Variants in ATG7 observed in about 807,000 individuals in gnomAD.
ATG7 encodes the protein ubiquitin-like modifier-activating enzyme ATG7.
ATG7 carries 70 observed loss-of-function variants against 82.4 expected under a neutral mutation model. That is an observed-to-expected ratio of 0.85 (90% CI 0.70 to 1.04). The LOEUF is 1.04. Ranked by LOEUF, ATG7 falls within the 50% of genes least tolerant of loss-of-function variation. The probability of loss-of-function intolerance (pLI) is 0.00; values close to 1 mark genes in which losing one functional copy is unlikely to be tolerated. For missense variants in ATG7, 792 were observed against 864.3 expected, an observed-to-expected ratio of 0.92 and a Z score of 1.05; for synonymous variants, 287 against 313.0, an observed-to-expected ratio of 0.92 and a Z score of 0.88.
rs913577788 is a variant in ATG7 at position 11,367,244 on chromosome 3, C to T, written c.1875+2510C>T. On this transcript the variant is annotated intron_variant, in intron 18 of 20. Transcript: ENST00000693202. ...AAAACACTGGGCTGTGTTGCAATGCCCTGTTGCAAACTCAGCACTTCCCTC... is the reference window on the plus strand; with the variant it reads ...AAAACACTGGGCTGTGTTGCAATGCTCTGTTGCAAACTCAGCACTTCCCTC... Among the ~76,000 whole-genome samples the T allele has an allele frequency of 2.6e-5, 4 of 152,098 alleles. No homozygotes were observed. In the South Asian group the frequency reaches 8.3e-4, roughly 32 times the overall value.
chr3:11,461,103 T>C (rs1244671569), intron 20 of ATG7, among the ~76,000 whole-genome samples: 2 of 152,352 alleles, frequency 1.3e-5, no homozygotes, highest in Admixed American at 6.5e-5. Flanking sequence ...CAAAGACCTT[T>C]AGGGAAGGCA....
chr3:11,510,144 C>T (rs1290270028), intron 20 of ATG7: 7 of 448,900 alleles, frequency 1.6e-5, no homozygotes, highest in Non-Finnish European at 3.1e-5. Flanking sequence ...ACGTGCCTGA[C>T]ACAGAGTTGC....
intron 20 of ATG7, among the ~76,000 whole-genome samples, chr3:11,453,081 C>A (rs961286878): frequency 5.9e-5 from 9 of 152,200 alleles, no homozygotes; most frequent in Non-Finnish European, 1.2e-4. Flanking sequence ...ATCTACAGCT[C>A]TGTCCACCAC....
chr3:11,520,107 A>G (rs536333987), intron 20 of ATG7, among the ~76,000 whole-genome samples: 2 of 152,086 alleles, frequency 1.3e-5, no homozygotes, highest in South Asian at 4.1e-4. Context: ...AATTTGTTTA[A>G]TTTTCACCAA....
chr3:11,328,554 G>A (rs1951196195), intron 9 of ATG7, among the ~76,000 whole-genome samples: 1 of 151,980 alleles, frequency 6.6e-6, no homozygotes, highest in African/African-American at 2.4e-5. Context: ...TTTATATAAC[G>A]GAAAAGGTAG....
chr3:11,495,108 C>T (rs976294630), intron 20 of ATG7, among the ~76,000 whole-genome samples: 6 of 152,058 alleles, frequency 3.9e-5, no homozygotes, highest in African/African-American at 1.4e-4. Context: ...CAGATGTTCT[C>T]TAAGGCCCTG....
intron 18 of ATG7, among the ~76,000 whole-genome samples, chr3:11,374,415 A>G (rs1029886040): frequency 8.5e-5 from 13 of 152,268 alleles, no homozygotes; most frequent in African/African-American, 2.9e-4. Context: ...ATTTCATACC[A>G]TGTTAAAAAA....
At chr3:11,479,296 T>C (rs890643920) in intron 20 of ATG7, among the ~76,000 whole-genome samples, 1 of 152,220 alleles carries the variant, frequency 6.6e-6, no homozygotes, top group Non-Finnish European at 1.5e-5. Flanking sequence ...GAACTGAGTT[T>C]AAATTAAATG....
At chr3:11,491,415 G>T (rs551872349) in intron 20 of ATG7, among the ~76,000 whole-genome samples, 5 of 152,244 alleles carry the variant, frequency 3.3e-5, no homozygotes, top group African/African-American at 1.2e-4. Context: ...CCTTTGGTTT[G>T]AATTTCCTCC....
chr3:11,527,092 T>TATAC (rs1553708161), intron 20 of ATG7, among the ~76,000 whole-genome samples: 40 of 142,180 alleles, frequency 2.8e-4, no homozygotes, highest in Admixed American at 8.1e-4. Context: ...TATATATATA[T>TATAC]ACATACATAT....
chr3:11,379,369 C>G (rs1003395897), intron 18 of ATG7, among the ~76,000 whole-genome samples: 1 of 152,138 alleles, frequency 6.6e-6, no homozygotes, highest in Non-Finnish European at 1.5e-5. Flanking sequence ...ATAGCTGATA[C>G]TCTGGAAATG....
At chr3:11,558,442 C>A, downstream of ATG7, 2 of 1,408,732 alleles carry the variant, frequency 1.4e-6, no homozygotes, top group Non-Finnish European at 1.9e-6. Context: ...GCAAATAAAC[C>A]ATCCCTTCCC....
intron 20 of ATG7, among the ~76,000 whole-genome samples, chr3:11,505,635 G>A (rs1302945047): frequency 6.6e-6 from 1 of 152,110 alleles, no homozygotes; most frequent in Non-Finnish European, 1.5e-5. Context: ...GCCCTCAAGG[G>A]TCCTTGCAAG....
At chr3:11,573,949 C>T in the ATG7 span, among the ~76,000 whole-genome samples, 1 of 152,162 alleles carries the variant, frequency 6.6e-6, no homozygotes, top group South Asian at 2.1e-4. Context: ...GATACAGTGA[C>T]AGACACATAC....
chr3:11,515,665 C>A (rs1019647145), intron 20 of ATG7, among the ~76,000 whole-genome samples: 2 of 152,150 alleles, frequency 1.3e-5, no homozygotes, highest in Non-Finnish European at 2.9e-5. Flanking sequence ...CACATGTATA[C>A]ATTAAGCCTC....
At chr3:11,568,185 C>A in the ATG7 span, among the ~76,000 whole-genome samples, 4 of 152,218 alleles carry the variant, frequency 2.6e-5, no homozygotes, top group Admixed American at 1.3e-4. The surrounding 1 kb of genome is among the most constrained non-coding windows in gnomAD (Gnocchi z 5.9). Context: ...AAAGGTCAGG[C>A]GTCTGCCCAT....
chr3:11,528,212 A>G (rs1159705871), intron 20 of ATG7, among the ~76,000 whole-genome samples: 1 of 152,236 alleles, frequency 6.6e-6, no homozygotes, highest in Non-Finnish European at 1.5e-5. Context: ...TATAGCCTGC[A>G]ACAATATTGA....
chr3:11,417,343 T>G (rs2081457084), intron 19 of ATG7, among the ~76,000 whole-genome samples: 1 of 152,230 alleles, frequency 6.6e-6, no homozygotes, highest in African/African-American at 2.4e-5. Flanking sequence ...ACCTCATGTA[T>G]TTTGATGCAC....
Position 11,362,814 on chromosome 3 carries a change from C to A in ATG7, c.1685C>A (p.Ser562Ter). The A allele has an allele frequency of 6.2e-7, 1 of 1,613,736 alleles. No individual in the cohort carries two copies. Among genetic ancestry groups the A allele is most frequent in the South Asian group, 1.1e-5 (1 of 91,014 alleles). Residue 562 changes from serine to a stop codon, truncating the protein, a stop_gained and splice_region_variant, in exon 17 of 21, where the codon TCA (serine) becomes TAA (stop). Coordinates refer to ENST00000693202, the MANE Select transcript of ATG7 (RefSeq NM_001349232.2). LOFTEE classifies it high-confidence loss of function. ...FCNDVVAPGD[S>*]TRDRTLDQQC... ...ACACCAATGATTGTTTCTTTGCAGT[C>A]AACCAGAGACCGGACCTTGGACCAG...
Sources: allele counts gnomAD v4.1 joint callset (sites outside exome capture counted in the v4.1 genomes callset), GRCh38; gene constraint gnomAD v4.1.1; non-coding constraint Gnocchi (gnomAD v3.1); transcripts MANE v1.5; gene names NCBI Gene and HGNC (gene_info 2026-07-23, HGNC 2026-07-21).